The following GRIK4 variants were observed in gnomAD, a reference collection of about 807,000 sequenced individuals.
GRIK4 encodes the protein glutamate receptor ionotropic, kainate 4.
Under a neutral mutation model 104.9 loss-of-function variants are expected in GRIK4, and 40 were observed. The observed-to-expected ratio is 0.38, with a 90% confidence interval of 0.30 to 0.50. The LOEUF is 0.50. GRIK4 is among the 20% of genes least tolerant of loss of function. GRIK4 has a pLI of 0.93. For synonymous variants in GRIK4, 485 were observed against 524.9 expected (o/e 0.92, Z 1.04); for missense variants, 1,047 against 1,308.1 (o/e 0.80, Z 3.08).
intron 1 of GRIK4, among the ~76,000 whole-genome samples, chr11:120,649,972 G>A (rs1949596696): frequency 1.3e-5 from 2 of 152,162 alleles, no homozygotes; most frequent in Non-Finnish European, 2.9e-5. Context: ...TGTGGTCTTT[G>A]CCAGGAGCGC....
intron 1 of GRIK4, among the ~76,000 whole-genome samples, chr11:120,553,384 A>T (rs2136097002): frequency 1.3e-5 from 2 of 152,322 alleles, no homozygotes; most frequent in African/African-American, 4.8e-5. Context: ...CTAGGAAGTC[A>T]CGGGAGGCTG....
chr11:120,901,063 TTCTCTGGAGCCGCTCCATAC>T (rs1477910361), intron 12 of GRIK4, among the ~76,000 whole-genome samples: 1 of 152,160 alleles, frequency 6.6e-6, no homozygotes, highest in Non-Finnish European at 1.5e-5. Context: ...CTCTACTTCT[TTCTCTGGAGCCGCTCCATAC>T]TCTGCTGGCA....
At chr11:120,919,675 G>T (rs1211536511) in intron 13 of GRIK4, among the ~76,000 whole-genome samples, 3 of 152,218 alleles carry the variant, frequency 2.0e-5, no homozygotes, top group African/African-American at 4.8e-5. Flanking sequence ...GAAGCAAAGA[G>T]ACCAGTGCAG....
intron 15 of GRIK4, among the ~76,000 whole-genome samples, chr11:120,954,832 A>ACACACACACAC (rs1944103422): frequency 1.3e-4 from 1 of 7,960 alleles, no homozygotes; most frequent in Admixed American, 1.2e-3. Flanking sequence ...CACACACACA[A>ACACACACACAC]ACAATACTGG....
At chr11:120,532,231 G>A (rs535064804) in intron 1 of GRIK4, among the ~76,000 whole-genome samples, 93 of 152,250 alleles carry the variant, frequency 6.1e-4, no homozygotes, top group East Asian at 3.5e-3. Context: ...ACCTGGACTC[G>A]CTGCTTTGAA....
At chr11:120,825,167 C>T (rs1953225136) in intron 6 of GRIK4, among the ~76,000 whole-genome samples, 1 of 152,092 alleles carries the variant, frequency 6.6e-6, no homozygotes, top group Non-Finnish European at 1.5e-5. Context: ...CTTAGGTCAT[C>T]CGCCCACCTC....
chr11:120,745,851 G>C (rs1170848782), intron 3 of GRIK4, among the ~76,000 whole-genome samples: 1 of 152,212 alleles, frequency 6.6e-6, no homozygotes, highest in Non-Finnish European at 1.5e-5. Flanking sequence ...AGTGGGACTT[G>C]AGAGGTGTTC....
chr11:120,982,203 C>G lies in GRIK4; in HGVS notation c.2493C>G (p.Leu831=), dbSNP rs565765987. The change falls in exon 20 of 21, where the codon CTC becomes CTG. Residue 831 remains leucine (L), a synonymous_variant. Coordinates refer to ENST00000527524, the MANE Select transcript of GRIK4 (RefSeq NM_014619.5). ...FMAMLEFLWT[L]RHSEATEVSV... ...CTATGTTGGAGTTTTTATGGACTCTCAGACACTCAGAAGCAACTGAGGTAA... is the reference window on the plus strand; with the variant it reads ...CTATGTTGGAGTTTTTATGGACTCTGAGACACTCAGAAGCAACTGAGGTAA... The G allele has an allele frequency of 1.3e-6, 2 of 1,599,614 alleles. No homozygotes were observed. The highest frequency in any genetic ancestry group is 2.2e-5 in the East Asian group (1 of 44,834).
Position 120,875,118 on chromosome 11 carries a change from AACTC to A in GRIK4, c.1060-16_1060-13del. Reference sequence around the variant, plus strand: ...TAACCTGGGGCCTGTTTGGTGCTGTAACTCACTCTCTCTTGGACAGGTAGAATTG... The same window carrying A: ...TAACCTGGGGCCTGTTTGGTGCTGTAACTCTCTCTTGGACAGGTAGAATTG... On this transcript the variant is annotated splice_polypyrimidine_tract_variant and intron_variant, in intron 10 of 20. Transcript: ENST00000527524. The A allele has an allele frequency of 6.7e-7, 1 of 1,490,756 alleles. No individual in the cohort carries two copies. Among genetic ancestry groups the A allele is most frequent in the Non-Finnish European group, 9.4e-7 (1 of 1,068,204 alleles). The allele number at this position is 1,490,756 out of a possible 1,614,324, so 92.3% of individuals were successfully genotyped here. A position where few individuals can be genotyped will look rare whatever the true frequency, so the allele number is the denominator to read the frequency against.
intron 18 of GRIK4, among the ~76,000 whole-genome samples, chr11:120,965,235 G>C (rs1441396718): frequency 6.6e-6 from 1 of 152,206 alleles, no homozygotes; most frequent in Non-Finnish European, 1.5e-5. Context: ...GGAGTAAGCA[G>C]AATAAGCCTT....
At chr11:120,841,533 C>T (rs1003542634) in intron 8 of GRIK4, among the ~76,000 whole-genome samples, 1 of 152,104 alleles carries the variant, frequency 6.6e-6, no homozygotes, top group Non-Finnish European at 1.5e-5. Flanking sequence ...ACACGTGGGT[C>T]GCCTCCACCT....
chr11:120,532,662 C>T (rs1947935084), intron 1 of GRIK4, among the ~76,000 whole-genome samples: 1 of 152,198 alleles, frequency 6.6e-6, no homozygotes, highest in South Asian at 2.1e-4. Context: ...TCATAATTAG[C>T]ATCTTCTGCT....
At chr11:120,908,068 T>C (rs1942908922) in intron 13 of GRIK4, among the ~76,000 whole-genome samples, 1 of 152,082 alleles carries the variant, frequency 6.6e-6, no homozygotes, top group Non-Finnish European at 1.5e-5. Flanking sequence ...CAGAGGCCCA[T>C]GTGAGGCCCT....
At chr11:120,648,671 A>C (rs142373546) in intron 1 of GRIK4, among the ~76,000 whole-genome samples, 106 of 152,214 alleles carry the variant, frequency 7.0e-4, no homozygotes, top group African/African-American at 2.4e-3. Context: ...ACCTGGGCAT[A>C]GGTGTATTAG....
chr11:120,518,044 C>G (rs1947752089), intron 1 of GRIK4, among the ~76,000 whole-genome samples: 1 of 152,190 alleles, frequency 6.6e-6, no homozygotes, highest in South Asian at 2.1e-4. Context: ...TTTCTGCTCT[C>G]CCTGTTCTCC....
At chr11:120,933,016 G>A (rs1943514145) in intron 13 of GRIK4, among the ~76,000 whole-genome samples, 1 of 152,224 alleles carries the variant, frequency 6.6e-6, no homozygotes, top group Non-Finnish European at 1.5e-5. Flanking sequence ...TTTGGAGGAA[G>A]GGACTGGGGA....
At chr11:120,985,120 TGCCCA>T (rs56016154) in intron 20 of GRIK4, among the ~76,000 whole-genome samples, 53,946 of 151,588 alleles carry the variant, frequency 0.36, 10,043 homozygotes, top group Admixed American at 0.45. Context: ...TGAGCCACTG[TGCCCA>T]GCCCTATCCT....
chr11:120,901,450 C>T (rs1439752686), intron 12 of GRIK4, among the ~76,000 whole-genome samples: 1 of 152,170 alleles, frequency 6.6e-6, no homozygotes, highest in East Asian at 1.9e-4. Flanking sequence ...GCTCAGATGT[C>T]ACGTCTCCCA....
chr11:120,819,582 G>A lies in GRIK4; in HGVS notation c.346-173G>A, dbSNP rs7940347. 2.6e-5 allele frequency among the ~76,000 whole-genome samples: 4 copies of A among 151,988 alleles called. No individual in the cohort carries two copies. Among genetic ancestry groups the A allele is most frequent in the African/African-American group, 7.2e-5 (3 of 41,468 alleles). On this transcript the variant is annotated intron_variant, in intron 5 of 20. Transcript: ENST00000527524. This position sits in a 1 kb window ranked among gnomAD's most constrained non-coding sequence, Gnocchi z 4.3. The stretch of plus-strand genomic sequence containing the variant: ...TTGAAGCATCATCAGGGATGTCATC[G>A]CTCGTCTTCCTCCCACGGAGTGGGT...
Sources: allele counts gnomAD v4.1 joint callset (sites outside exome capture counted in the v4.1 genomes callset), GRCh38; gene constraint gnomAD v4.1.1; non-coding constraint Gnocchi (gnomAD v3.1); transcripts MANE v1.5; gene names NCBI Gene and HGNC (gene_info 2026-07-23, HGNC 2026-07-21).